TBC1D21: variants seen among roughly 807,000 people sequenced by gnomAD.
TBC1D21 encodes the protein TBC1 domain family member 21, also known as male germ cell Rab GTPase-activating protein.
In TBC1D21, 38 loss-of-function variants were observed where a neutral mutation model predicts 46.0. That is an observed-to-expected ratio of 0.83 (90% confidence interval 0.64 to 1.08). TBC1D21 has a LOEUF of 1.08. Among genes scored for constraint, TBC1D21 ranks in the 50% least tolerant of loss-of-function variants. The pLI is 0.00. For synonymous variants in TBC1D21, 151 were observed against 157.2 expected (o/e 0.96, Z 0.29); for missense variants, 415 against 417.9 (o/e 0.99, Z 0.06).
chr15:73,876,199 GTTTTTTTTTTTTTTTTTTTTTTTTTT>G (rs539517539), intron 1 of TBC1D21, among the ~76,000 whole-genome samples: 14 of 28,328 alleles, frequency 4.9e-4, no homozygotes, highest in African/African-American at 6.9e-4. Context: ...TTTTTTGTGG[GTTTTTTTTTTTTTTTTTTTTTTTTTT>G]TTTTTTTTTT....
chr15:73,907,720 TTTTC>T, the TBC1D21 span, among the ~76,000 whole-genome samples: 4 of 152,250 alleles, frequency 2.6e-5, no homozygotes, highest in Admixed American at 6.5e-5. Context: ...TCCAAAGCTG[TTTTC>T]TTTCTCTTTT....
intron 3 of TBC1D21, among the ~76,000 whole-genome samples, chr15:73,882,498 C>A (rs2141565927): frequency 6.6e-6 from 1 of 152,286 alleles, no homozygotes; most frequent in South Asian, 2.1e-4. Context: ...TCCTTCAAGG[C>A]CCAGATCCCA....
chr15:73,873,585 C>A lies in TBC1D21; in HGVS notation c.-125C>A. On this transcript the variant is annotated 5_prime_UTR_variant, in exon 1 of 11. Transcript: ENST00000300504. ...TGACACACTGCTGGCCGGCTCTGTT[C>A]AAGTGTGGGAGGTCAGGAGCAGCCA... The A allele has an allele frequency of 1.0e-6, 1 of 1,000,202 alleles. No homozygotes were observed. Among genetic ancestry groups the A allele is most frequent in the Non-Finnish European group, 1.5e-6 (1 of 663,138 alleles). 62.0% of individuals were successfully genotyped at this position (1,000,202 alleles called of 1,614,324 possible). A position where few individuals can be genotyped will look rare whatever the true frequency, so the allele number is the denominator to read the frequency against.
chr15:73,889,192 A>G lies in TBC1D21; in HGVS notation c.*91A>G. The stretch of plus-strand genomic sequence containing the variant: ...TGAGGGAGTAGATAAAACAGCTGCA[A>G]TATAAACAGTCCTCTGGAATAATGG... On this transcript the variant is annotated 3_prime_UTR_variant, in exon 11 of 11. Transcript: ENST00000300504. The G allele has an allele frequency of 7.1e-7, 1 of 1,404,962 alleles. No individual in the cohort carries two copies. Among genetic ancestry groups the G allele is most frequent in the Non-Finnish European group, 9.9e-7 (1 of 1,007,324 alleles). 87.0% of individuals were successfully genotyped at this position (1,404,962 alleles called of 1,614,324 possible). A position where few individuals can be genotyped will look rare whatever the true frequency, so the allele number is the denominator to read the frequency against.
At chr15:73,884,511 G>C (rs1240816590) in intron 4 of TBC1D21, among the ~76,000 whole-genome samples, 2 of 152,226 alleles carry the variant, frequency 1.3e-5, no homozygotes, top group Admixed American at 6.5e-5. Context: ...TTTGAATGAG[G>C]TTGGATTTGA....
the TBC1D21 span, among the ~76,000 whole-genome samples, chr15:73,896,732 C>T: frequency 9.2e-5 from 14 of 152,168 alleles, no homozygotes; most frequent in Non-Finnish European, 1.3e-4. Context: ...TTGGCAGACT[C>T]GGTATGCACT....
At chr15:73,880,747 C>T (rs1487647291) in intron 1 of TBC1D21, among the ~76,000 whole-genome samples, 3 of 152,010 alleles carry the variant, frequency 2.0e-5, no homozygotes, top group South Asian at 2.1e-4. Context: ...TCCAGCCTGG[C>T]GACAGAGTGA....
At chr15:73,894,535 T>G in the TBC1D21 span, among the ~76,000 whole-genome samples, 1 of 151,506 alleles carries the variant, frequency 6.6e-6, no homozygotes, top group African/African-American at 2.4e-5. Flanking sequence ...GGATGGGGAG[T>G]GGGCTGGGGG....
rs2068057275 is a variant in TBC1D21, at chr15:73,876,199, G to GGTGTTTTTTTTTTT, written c.60+2430_60+2431insGTGTTTTTTTTTTT. Among the ~76,000 whole-genome samples the GGTGTTTTTTTTTTT allele has an allele frequency of 1.4e-4, 4 of 28,314 alleles. 2 individuals carry two copies. The highest frequency in any genetic ancestry group is 3.7e-4 in the Non-Finnish European group (2 of 5,336). The allele number at this position is 28,314 out of a possible 152,430, so 18.6% of individuals were successfully genotyped here. On this transcript the variant is annotated intron_variant, in intron 1 of 10. Transcript: ENST00000300504. The stretch of plus-strand genomic sequence containing the variant: ...GAAGAATCAGTGACTTTTTTTGTGG[G>GGTGTTTTTTTTTTT]TTTTTTTTTTTTTTTTTTTTTTTTT...
chr15:73,882,190 G>A (rs1306340545), intron 3 of TBC1D21, among the ~76,000 whole-genome samples: 2 of 152,078 alleles, frequency 1.3e-5, no homozygotes, highest in Non-Finnish European at 2.9e-5. Context: ...CGGTGCCCAG[G>A]GGAAGGTACA....
Position 73,888,447 on chromosome 15 carries a change from C to A in TBC1D21, c.912C>A (p.Ile304=). 1 of 1,613,824 alleles carries A rather than the reference C, an allele frequency of 6.2e-7. No individual in the cohort carries two copies. Among genetic ancestry groups the A allele is most frequent in the South Asian group, 1.1e-5 (1 of 90,920 alleles). ...CCATGCAGGCCTGCAACAACCTCAT[C>A]GACCTTGATGCTGATGAGCTGATCT... ...DDILLACNNL[I]DLDADELISA... The change falls in exon 10 of 11, where the codon ATC becomes ATA. Residue 304 remains isoleucine (I), a synonymous_variant. Coordinates refer to ENST00000300504, the MANE Select transcript of TBC1D21 (RefSeq NM_153356.3).
At chr15:73,908,997 G>A in the TBC1D21 span, among the ~76,000 whole-genome samples, 1 of 152,204 alleles carries the variant, frequency 6.6e-6, no homozygotes, top group Non-Finnish European at 1.5e-5. Context: ...GTGTGACCTT[G>A]GGCTCCTAAC....
At chr15:73,898,880 A>AAAAAAAAAAAAATATATAT in the TBC1D21 span, among the ~76,000 whole-genome samples, 4 of 56,772 alleles carry the variant, frequency 7.0e-5, no homozygotes, top group Non-Finnish European at 7.6e-5. Context: ...AAAAAAAAAA[A>AAAAAAAAAAAAATATATAT]ATATATATAT....
At chr15:73,888,995 T>G in intron 10 of TBC1D21, 74 bp from the exon 11 acceptor site, 1 of 1,575,066 alleles carries the variant, frequency 6.3e-7, no homozygotes, top group Non-Finnish European at 8.7e-7. Context: ...CAGGAGAATG[T>G]CGCTGCTTAG....
chr15:73,881,896 A>T (rs1004940976), intron 3 of TBC1D21, 149 bp downstream of exon 3: 9 of 686,610 alleles, frequency 1.3e-5, no homozygotes, highest in African/African-American at 8.9e-5. Flanking sequence ...AGCACACAGG[A>T]GGTGCGGCCA....
At chr15:73,887,965 A>G (rs1488048747) in intron 9 of TBC1D21, among the ~76,000 whole-genome samples, 2 of 152,218 alleles carry the variant, frequency 1.3e-5, no homozygotes, top group Non-Finnish European at 2.9e-5. Flanking sequence ...TATAACCATC[A>G]TCATCACCCC....
intron 1 of TBC1D21, among the ~76,000 whole-genome samples, chr15:73,876,454 A>G (rs1197668491): frequency 6.8e-6 from 1 of 146,600 alleles, no homozygotes; most frequent in East Asian, 2.0e-4. Flanking sequence ...CATGTTGGTC[A>G]GGATGGTCTC....
At chr15:73,890,881 C>T (rs1006085415), downstream of TBC1D21, among the ~76,000 whole-genome samples, 4 of 152,150 alleles carry the variant, frequency 2.6e-5, no homozygotes, top group African/African-American at 9.7e-5. Flanking sequence ...CCTCTCAAGC[C>T]CCCCTCCTTG....
chr15:73,889,195 T>A lies in TBC1D21; in HGVS notation c.*94T>A. 7.4e-7 allele frequency: 1 copy of A among 1,358,346 alleles called. No individual in the cohort carries two copies. The highest frequency in any genetic ancestry group is 1.0e-6 in the Non-Finnish European group (1 of 966,690). The allele number at this position is 1,358,346 out of a possible 1,614,324, so 84.1% of individuals were successfully genotyped here. A position where few individuals can be genotyped will look rare whatever the true frequency, so the allele number is the denominator to read the frequency against. ...GGGAGTAGATAAAACAGCTGCAATA[T>A]AAACAGTCCTCTGGAATAATGGTTT... On this transcript the variant is annotated 3_prime_UTR_variant, in exon 11 of 11. Transcript: ENST00000300504.
Sources: gnomAD v4.1 joint callset for allele counts (sites outside exome capture counted in the v4.1 genomes callset) on GRCh38, gnomAD v4.1.1 for gene constraint, MANE v1.5 for transcripts, NCBI Gene and HGNC (gene_info 2026-07-23, HGNC 2026-07-21) for gene names.